GALNTL6: variants seen among roughly 807,000 people sequenced by gnomAD.
The protein encoded by GALNTL6 is polypeptide N-acetylgalactosaminyltransferase-like 6.
GALNTL6 carries 46 observed loss-of-function variants against 73.7 expected under a neutral mutation model. The observed-to-expected ratio is 0.62, with a 90% confidence interval of 0.49 to 0.80. The LOEUF (loss-of-function observed/expected upper bound fraction) is 0.80. Among genes scored for constraint, GALNTL6 ranks in the 30% least tolerant of loss-of-function variants. The pLI, the probability that GALNTL6 is intolerant of heterozygous loss-of-function variation, is 0.00. For synonymous variants in GALNTL6, 259 were observed against 263.7 expected (o/e 0.98, Z 0.17); for missense variants, 604 against 755.0 (o/e 0.80, Z 2.34).
intron 2 of GALNTL6, among the ~76,000 whole-genome samples, chr4:172,169,439 A>C (rs1035392261): frequency 1.3e-5 from 2 of 152,212 alleles, no homozygotes; most frequent in African/African-American, 2.4e-5. Context: ...ACTATATAAA[A>C]ATAAATGTCA....
At chr4:172,042,647 G>T (rs867225260) in intron 2 of GALNTL6, among the ~76,000 whole-genome samples, 3 of 151,344 alleles carry the variant, frequency 2.0e-5, no homozygotes, top group African/African-American at 4.8e-5. Context: ...GGAAAAATCT[G>T]CTTTTTTTAA....
At chr4:171,969,067 C>T (rs1013580774) in intron 2 of GALNTL6, among the ~76,000 whole-genome samples, 1 of 152,040 alleles carries the variant, frequency 6.6e-6, no homozygotes, top group Admixed American at 6.6e-5. Context: ...GAACTCCTGA[C>T]CTCGTGATCT....
chr4:172,167,965 CAAAA>C (rs70941387), intron 2 of GALNTL6, among the ~76,000 whole-genome samples: 28 of 113,936 alleles, frequency 2.5e-4, no homozygotes, highest in Admixed American at 7.1e-4. Context: ...GACTCCGTCT[CAAAA>C]AAAAAAAAAA....
At position 172,090,162 on chromosome 4, in the gene GALNTL6, C is replaced by T. The variant is rs369079900; in HGVS notation, c.139-139494C>T. ...TGTGAACGGTGCCACAATAAACATA[C>T]GTGTGCATGTGTCTTTATAGTAGAA... is the stretch of plus-strand genomic sequence containing the variant. On this transcript the variant is annotated intron_variant, in intron 2 of 12. Transcript: ENST00000506823. 3.9e-5 allele frequency among the ~76,000 whole-genome samples: 6 copies of T among 152,238 alleles called. No individual in the cohort carries two copies. The East Asian group carries it at 9.7e-4, about 25-fold the overall frequency.
chr4:172,952,734 T>C (rs1749521044), intron 10 of GALNTL6, among the ~76,000 whole-genome samples: 1 of 152,220 alleles, frequency 6.6e-6, no homozygotes, highest in Non-Finnish European at 1.5e-5. Flanking sequence ...CAGGCTAGTC[T>C]CAAACTCCTG....
chr4:171,956,264 C>T (rs768108145), intron 2 of GALNTL6, among the ~76,000 whole-genome samples: 2 of 152,152 alleles, frequency 1.3e-5, no homozygotes, highest in Non-Finnish European at 2.9e-5. Context: ...TCTCAACCTT[C>T]CAAAGTGCAG....
chr4:171,998,547 G>T (rs993620226), intron 2 of GALNTL6, among the ~76,000 whole-genome samples: 1 of 152,072 alleles, frequency 6.6e-6, no homozygotes, highest in African/African-American at 2.4e-5. Flanking sequence ...AGGTAGTGGG[G>T]GGTTAGGACT....
chr4:172,653,224 C>CTTTTT (rs5864143), intron 5 of GALNTL6, among the ~76,000 whole-genome samples: 1 of 143,664 alleles, frequency 7.0e-6, no homozygotes, highest in Admixed American at 7.0e-5. Flanking sequence ...TCTCTTCTTC[C>CTTTTT]TTTTTTTTTT....
chr4:172,358,262 A>G (rs761587075), intron 5 of GALNTL6, among the ~76,000 whole-genome samples: 7 of 152,200 alleles, frequency 4.6e-5, no homozygotes, highest in Non-Finnish European at 8.8e-5. Flanking sequence ...ACCAGGTATG[A>G]TTTCACTATT....
At chr4:172,433,132 TA>T (rs1471822312) in intron 5 of GALNTL6, among the ~76,000 whole-genome samples, 1 of 152,150 alleles carries the variant, frequency 6.6e-6, no homozygotes, top group Non-Finnish European at 1.5e-5. Flanking sequence ...AATCACAGAT[TA>T]TTTCAGGGTC....
At chr4:172,047,798 A>C (rs1742263398) in intron 2 of GALNTL6, among the ~76,000 whole-genome samples, 1 of 152,112 alleles carries the variant, frequency 6.6e-6, no homozygotes, top group African/African-American at 2.4e-5. Context: ...TTTTTAAAAA[A>C]AGTTTTCTAC....
At chr4:172,168,558 ATGATGG>A (rs977931340) in intron 2 of GALNTL6, among the ~76,000 whole-genome samples, 14 of 152,000 alleles carry the variant, frequency 9.2e-5, no homozygotes, top group Non-Finnish European at 1.6e-4. Flanking sequence ...GGTGATGGTG[ATGATGG>A]TGATGGTGAT....
intron 2 of GALNTL6, among the ~76,000 whole-genome samples, chr4:171,923,786 CTGTGTGTGTGTGTGTGTG>C (rs563244976): frequency 0.012 from 1,647 of 133,294 alleles, 21 homozygotes; most frequent in Non-Finnish European, 0.017. Context: ...AAAAGTATTG[CTGTGTGTGTGTGTGTGTG>C]TGTGTGTGTG....
At chr4:172,970,416 G>T (rs909894411) in intron 10 of GALNTL6, among the ~76,000 whole-genome samples, 2 of 152,176 alleles carry the variant, frequency 1.3e-5, no homozygotes, top group African/African-American at 4.8e-5. Context: ...GACAATCCCA[G>T]AGTGGCCATT....
intron 6 of GALNTL6, among the ~76,000 whole-genome samples, chr4:172,810,277 A>G (rs1176779533): frequency 2.6e-5 from 4 of 152,206 alleles, no homozygotes; most frequent in Non-Finnish European, 5.9e-5. Flanking sequence ...AAGCTAGAAA[A>G]CATACATGTG....
intron 5 of GALNTL6, among the ~76,000 whole-genome samples, chr4:172,748,600 G>T (rs1737244846): frequency 6.6e-6 from 1 of 152,120 alleles, no homozygotes; most frequent in Non-Finnish European, 1.5e-5. Flanking sequence ...GTTACCAGAG[G>T]CTGGGGTTAC....
At chr4:172,737,069 A>G (rs561580694) in intron 5 of GALNTL6, among the ~76,000 whole-genome samples, 20 of 152,304 alleles carry the variant, frequency 1.3e-4, no homozygotes, top group Admixed American at 2.6e-4. Flanking sequence ...TTATCAGTAT[A>G]AAAAAGGACT....
intron 2 of GALNTL6, among the ~76,000 whole-genome samples, chr4:171,960,474 T>G (rs1186673451): frequency 2.0e-5 from 3 of 151,846 alleles, no homozygotes; most frequent in Non-Finnish European, 4.4e-5. Flanking sequence ...GAGACAGGGT[T>G]TCACTGTGTT....
chr4:172,295,531 GTTTTTTTTT>G (rs58721038), intron 3 of GALNTL6, among the ~76,000 whole-genome samples: 2 of 73,164 alleles, frequency 2.7e-5, no homozygotes, highest in African/African-American at 1.2e-4. Context: ...CTTTTTTTAG[GTTTTTTTTT>G]TTTTTTTTTT....
Sources: allele counts gnomAD v4.1 joint callset (sites outside exome capture counted in the v4.1 genomes callset), GRCh38; gene constraint gnomAD v4.1.1; transcripts MANE v1.5; gene names NCBI Gene and HGNC (gene_info 2026-07-23, HGNC 2026-07-21).